NDST3: variants seen among roughly 807,000 people sequenced by gnomAD.
NDST3 encodes the protein bifunctional heparan sulfate N-deacetylase/N-sulfotransferase 3.
NDST3 carries 58 observed loss-of-function variants against 96.1 expected under a neutral mutation model. That is an observed-to-expected ratio of 0.60 (90% CI 0.49 to 0.75). The LOEUF (loss-of-function observed/expected upper bound fraction) is 0.75. Among genes scored for constraint, NDST3 ranks in the 30% least tolerant of loss-of-function variants. NDST3 has a pLI of 0.00. For synonymous variants in NDST3, 333 were observed against 359.7 expected, an observed-to-expected ratio of 0.93 and a Z score of 0.84; for missense variants, 788 against 1,034.2, an observed-to-expected ratio of 0.76 and a Z score of 3.27.
At chr4:118,160,721 G>C (rs915083226) in intron 6 of NDST3, among the ~76,000 whole-genome samples, 2 of 152,166 alleles carry the variant, frequency 1.3e-5, no homozygotes, top group Admixed American at 6.5e-5. Flanking sequence ...TCAGCTCCAT[G>C]AGCTCCTTTA....
At chr4:118,076,304 C>T (rs1458605504) in intron 2 of NDST3, among the ~76,000 whole-genome samples, 2 of 152,130 alleles carry the variant, frequency 1.3e-5, no homozygotes, top group Non-Finnish European at 2.9e-5. Context: ...TAGTATCTCA[C>T]AGGGGTTCTC....
At chr4:118,177,230 G>A (rs193300313) in intron 6 of NDST3, among the ~76,000 whole-genome samples, 1 of 152,154 alleles carries the variant, frequency 6.6e-6, no homozygotes, top group East Asian at 1.9e-4. Context: ...GAGACAGTAA[G>A]GGCTCCTGGT....
At chr4:118,234,982 A>T (rs1019653989) in intron 9 of NDST3, among the ~76,000 whole-genome samples, 9 of 151,482 alleles carry the variant, frequency 5.9e-5, no homozygotes, top group Admixed American at 5.3e-4. Context: ...ATGAGTCAAG[A>T]TCGTGCCATT....
intron 2 of NDST3, among the ~76,000 whole-genome samples, chr4:118,068,290 C>T (rs1726767854): frequency 6.6e-6 from 1 of 151,630 alleles, no homozygotes; most frequent in South Asian, 2.1e-4. Flanking sequence ...CCAGCACACC[C>T]AAGTATACCT....
At position 118,231,420 on chromosome 4, in the gene NDST3, A is replaced by G. The variant is rs556496410; in HGVS notation, c.1820-1592A>G. Among the ~76,000 whole-genome samples the G allele has an allele frequency of 1.1e-4, 16 of 150,148 alleles. No homozygotes were observed. The South Asian group carries it at 3.3e-3, about 31-fold the overall frequency. ...CTATTTAAGTAAATACTATACTATC[A>G]TCTTAATACTATTTATACTACTATT... On this transcript the variant is annotated intron_variant, in intron 8 of 13. Coordinates refer to ENST00000296499, the MANE Select transcript of NDST3 (RefSeq NM_004784.3).
intron 2 of NDST3, among the ~76,000 whole-genome samples, chr4:118,095,583 G>A (rs1729236839): frequency 6.6e-6 from 1 of 151,342 alleles, no homozygotes; most frequent in Admixed American, 6.6e-5. Context: ...TGATGCAGGT[G>A]AAATTCACTT....
At chr4:118,184,465 A>G (rs1338918546) in intron 6 of NDST3, among the ~76,000 whole-genome samples, 2 of 151,690 alleles carry the variant, frequency 1.3e-5, no homozygotes, top group East Asian at 3.9e-4. Flanking sequence ...TCAAACTGCA[A>G]CTCTTCTCTG....
chr4:118,146,616 G>T (rs543047251), intron 6 of NDST3, among the ~76,000 whole-genome samples: 15 of 152,298 alleles, frequency 9.8e-5, no homozygotes, highest in South Asian at 6.2e-4. Context: ...CAAAATATTT[G>T]TCATGTAAAA....
At chr4:118,232,684 GAAAGAAAC>G (rs907102882) in intron 8 of NDST3, among the ~76,000 whole-genome samples, 6 of 110,380 alleles carry the variant, frequency 5.4e-5, no homozygotes, top group African/African-American at 1.5e-4. Context: ...AAAAGAAAAG[GAAAGAAAC>G]AAAGAAAGAA....
chr4:118,194,050 T>C (rs1578795420), intron 6 of NDST3: 1 of 1,441,122 alleles, frequency 6.9e-7, no homozygotes, highest in Non-Finnish European at 9.7e-7. Flanking sequence ...GTAATTCATA[T>C]TTCAGCTAGG....
chr4:118,096,128 C>T (rs1445406972), intron 2 of NDST3, among the ~76,000 whole-genome samples: 1 of 151,864 alleles, frequency 6.6e-6, no homozygotes, highest in African/African-American at 2.4e-5. Flanking sequence ...CTATGTTTAA[C>T]TTTTTGAGTA....
chr4:118,253,529 G>GTTAC lies in NDST3; in HGVS notation c.2432_2435dup (p.Glu813ThrfsTer5). The GTTAC allele has an allele frequency of 6.2e-7, 1 of 1,611,350 alleles. No homozygotes were observed. The highest frequency in any genetic ancestry group is 1.3e-5 in the African/African-American group (1 of 74,812). ...ATTCTCATAAAGGTTTCTGGTGTCAGTTACTGGAAGAAGGTAAAACAAAAT... is the reference window on the plus strand; with the variant it reads ...ATTCTCATAAAGGTTTCTGGTGTCAGTTACTTACTGGAAGAAGGTAAAACAAAAT... On this transcript the variant is annotated frameshift_variant, in exon 13 of 14. Coordinates refer to ENST00000296499, the MANE Select transcript of NDST3 (RefSeq NM_004784.3). LOFTEE classifies it high-confidence loss of function.
intron 1 of NDST3, among the ~76,000 whole-genome samples, chr4:118,047,685 C>A (rs1206829748): frequency 6.6e-6 from 1 of 152,112 alleles, no homozygotes; most frequent in Non-Finnish European, 1.5e-5. Context: ...GCCAACTCAA[C>A]TCAGACAAAA....
intron 6 of NDST3, among the ~76,000 whole-genome samples, chr4:118,212,942 T>G (rs897636337): frequency 2.0e-5 from 3 of 152,224 alleles, no homozygotes; most frequent in African/African-American, 7.2e-5. Flanking sequence ...TTAGCATGTA[T>G]TATCTCATTG....
intron 7 of NDST3, among the ~76,000 whole-genome samples, chr4:118,225,106 AG>A (rs1157233278): frequency 1.3e-5 from 2 of 152,206 alleles, no homozygotes; most frequent in East Asian, 1.9e-4. Context: ...CTGAACCACG[AG>A]GTACACCAAC....
At chr4:118,070,193 T>C (rs1205454305) in intron 2 of NDST3, among the ~76,000 whole-genome samples, 1 of 152,144 alleles carries the variant, frequency 6.6e-6, no homozygotes, top group Non-Finnish European at 1.5e-5. Flanking sequence ...ATTTAATCAT[T>C]GCTAAGGTCT....
At chr4:118,105,392 C>T (rs1481338214) in intron 3 of NDST3, among the ~76,000 whole-genome samples, 1 of 152,074 alleles carries the variant, frequency 6.6e-6, no homozygotes, top group Middle Eastern at 3.2e-3. Context: ...GTGTACACAG[C>T]TGTGTAAAGA....
In NDST3 at chr4:118,127,500, G is replaced by A. The variant is rs1732208637; in HGVS notation, c.1225-10554G>A. Among the ~76,000 whole-genome samples, 4 of 152,146 alleles carry A rather than the reference G, an allele frequency of 2.6e-5. No individual in the cohort carries two copies. The South Asian group carries it at 8.3e-4, about 31-fold the overall frequency. ...CACCTTTGTCAAAAATGAGTTCACTGTAGGAGTATTAATTTGTTGCTGGGT... is the reference window on the plus strand; with the variant it reads ...CACCTTTGTCAAAAATGAGTTCACTATAGGAGTATTAATTTGTTGCTGGGT... On this transcript the variant is annotated intron_variant, in intron 4 of 13. Transcript: ENST00000296499.
At chr4:118,228,432 T>C (rs1019483587) in intron 8 of NDST3, among the ~76,000 whole-genome samples, 2 of 152,220 alleles carry the variant, frequency 1.3e-5, no homozygotes, top group African/African-American at 4.8e-5. Context: ...TGCAGACATT[T>C]TGATATCATG....
Sources: allele counts gnomAD v4.1 joint callset (sites outside exome capture counted in the v4.1 genomes callset), GRCh38; gene constraint gnomAD v4.1.1; transcripts MANE v1.5; gene names NCBI Gene and HGNC (gene_info 2026-07-23, HGNC 2026-07-21).